SEPTIN5: variants seen among roughly 807,000 people sequenced by gnomAD.
SEPTIN5 encodes the protein septin-5.
In SEPTIN5, 16 loss-of-function variants were observed where a neutral mutation model predicts 51.2. The observed-to-expected ratio is 0.31, with a 90% CI of 0.21 to 0.47. The LOEUF (loss-of-function observed/expected upper bound fraction) is 0.47. SEPTIN5 is among the 20% of genes least tolerant of loss of function. The pLI is 0.99. For missense variants in SEPTIN5, 376 were observed against 500.3 expected, an observed-to-expected ratio of 0.75 and a Z score of 2.37; for synonymous variants, 208 against 191.2, an observed-to-expected ratio of 1.09 and a Z score of -0.72.
rs1485967490 is a variant in SEPTIN5 at position 19,722,846 on chromosome 22, G to A, written c.*362G>A. 8.6e-6 allele frequency: 4 copies of A among 463,076 alleles called. No individual in the cohort carries two copies. The highest frequency in any genetic ancestry group is 6.9e-5 in the Admixed American group (2 of 28,970). The allele number at this position is 463,076 out of a possible 1,614,324, so 28.7% of individuals were successfully genotyped here. A position where few individuals can be genotyped will look rare whatever the true frequency, so the allele number is the denominator to read the frequency against. ...TCCCAGGATCCTGGGTCTGTTCCCT[G>A]CCCCAGTGCTGCAGAACGGACTTGG... On this transcript the variant is annotated 3_prime_UTR_variant, in exon 12 of 12. Coordinates refer to ENST00000455784, the MANE Select transcript of SEPTIN5 (RefSeq NM_002688.6).
At chr22:19,718,684 G>C (rs1935957567) in intron 2 of SEPTIN5, 2 of 1,274,198 alleles carry the variant, frequency 1.6e-6, no homozygotes, top group Non-Finnish European at 2.0e-6. Context: ...GGCTCTGGCG[G>C]CCTGACCGGG....
intron 2 of SEPTIN5, among the ~76,000 whole-genome samples, chr22:19,716,008 C>T (rs149797098): frequency 5.3e-4 from 81 of 152,348 alleles, no homozygotes; most frequent in African/African-American, 1.9e-3. Context: ...GTGTCCCCAG[C>T]TTGACCCAAG....
Position 19,714,912 on chromosome 22 carries a change from C to CGATCACCGATTGTCA in SEPTIN5, c.54+123_54+137dup, listed in dbSNP as rs898915984. ...CGCCGGCCCTCACCCAGCCCTGTCG[C>CGATCACCGATTGTCA]GATCACCGATTGTCAGCCGGGCAGT... On this transcript the variant is annotated intron_variant, in intron 2 of 11. Transcript: ENST00000455784. The surrounding 1 kb of genome is among the most constrained non-coding windows in gnomAD (Gnocchi z 5.2). The CGATCACCGATTGTCA allele has an allele frequency of 4.7e-6, 6 of 1,285,274 alleles. No individual in the cohort carries two copies. In the African/African-American group the frequency reaches 9.2e-5, roughly 20 times the overall value. The allele number at this position is 1,285,274 out of a possible 1,614,324, so 79.6% of individuals were successfully genotyped here. A position where few individuals can be genotyped will look rare whatever the true frequency, so the allele number is the denominator to read the frequency against.
At chr22:19,719,332 T>A (rs1935976609) in intron 2 of SEPTIN5, 1 of 417,330 alleles carries the variant, frequency 2.4e-6, no homozygotes, top group African/African-American at 2.0e-5. Context: ...TGCTGCGGCC[T>A]GACATCTCCC....
intron 2 of SEPTIN5, chr22:19,719,362 C>T (rs1373847821): frequency 1.3e-5 from 7 of 518,806 alleles, no homozygotes; most frequent in Non-Finnish European, 2.4e-5. Context: ...AATACAGTGT[C>T]GGTCCCTGCA....
intron 6 of SEPTIN5, 28 bp from the exon 7 acceptor site, chr22:19,720,521 T>C (rs1229006036): frequency 9.3e-6 from 15 of 1,613,332 alleles, no homozygotes; most frequent in Non-Finnish European, 1.3e-5. Context: ...TGGCTGTGCC[T>C]ATGCCCACCC....
chr22:19,714,658 C>CGCGCGCGCCT lies in SEPTIN5; in HGVS notation c.43+28_43+37dup. The CGCGCGCGCCT allele has an allele frequency of 6.6e-7, 1 of 1,513,322 alleles. No individual in the cohort carries two copies. The highest frequency in any genetic ancestry group is 8.8e-7 in the Non-Finnish European group (1 of 1,136,016). 93.7% of individuals were successfully genotyped at this position (1,513,322 alleles called of 1,614,324 possible). On this transcript the variant is annotated intron_variant, in intron 1 of 11. Coordinates refer to ENST00000455784, the MANE Select transcript of SEPTIN5 (RefSeq NM_002688.6). This position sits in a 1 kb window ranked among gnomAD's most constrained non-coding sequence, Gnocchi z 5.2. ...TGAGCCCAGCGCCTGCCCGCGTGCC[C>CGCGCGCGCCT]GCGCGCGCCTTTGTCCCCGCCGCCC...
intron 2 of SEPTIN5, among the ~76,000 whole-genome samples, chr22:19,715,027 G>A (rs1935894403): frequency 2.6e-5 from 4 of 152,238 alleles, no homozygotes; most frequent in Admixed American, 2.0e-4. Context: ...CCCCAGGATG[G>A]GGGGATGGGC....
In SEPTIN5 at chr22:19,714,588, C is replaced by G; in HGVS notation, c.-1C>G. On this transcript the variant is annotated 5_prime_UTR_variant, in exon 1 of 12. Coordinates refer to ENST00000455784, the MANE Select transcript of SEPTIN5 (RefSeq NM_002688.6). This position sits in a 1 kb window ranked among gnomAD's most constrained non-coding sequence, Gnocchi z 5.2. ...CCGCACGTCCCCCGCCGGCGGCCACCATGAGCACAGGCCTGCGGTACAAGA... is the reference window on the plus strand; with the variant it reads ...CCGCACGTCCCCCGCCGGCGGCCACGATGAGCACAGGCCTGCGGTACAAGA... 6.9e-7 allele frequency: 1 copy of G among 1,453,194 alleles called. No homozygotes were observed. Among genetic ancestry groups the G allele is most frequent in the Non-Finnish European group, 9.0e-7 (1 of 1,107,030 alleles). 90.0% of individuals were successfully genotyped at this position (1,453,194 alleles called of 1,614,324 possible). A position where few individuals can be genotyped will look rare whatever the true frequency, so the allele number is the denominator to read the frequency against.
At chr22:19,716,458 C>T (rs978695692) in intron 2 of SEPTIN5, among the ~76,000 whole-genome samples, 2 of 152,226 alleles carry the variant, frequency 1.3e-5, no homozygotes, top group African/African-American at 4.8e-5. Context: ...AGAGCTGACT[C>T]GGGTGATTCT....
In SEPTIN5 at chr22:19,721,932, G is replaced by A; in HGVS notation, c.925G>A (p.Ala309Thr). The A allele has an allele frequency of 6.2e-7, 1 of 1,610,856 alleles. No homozygotes were observed. The change falls in exon 10 of 12, where the codon GCG (alanine) becomes ACG (threonine). Residue 309 changes from alanine (A) to threonine (T), a missense_variant. Ala to Thr is a moderately conservative substitution (Grantham distance 58, BLOSUM62 0). Transcript: ENST00000455784. Reference protein sequence around the residue: ...TCDVHYENYRAHCIQQMTSKL... With the variant: ...TCDVHYENYRTHCIQQMTSKL... ...CGACGTGCACTACGAGAACTACCGC[G>A]CGCACTGCATCCAGCAGATGACCAG... is the stretch of plus-strand genomic sequence containing the variant.
chr22:19,717,061 G>A (rs1263732910), intron 2 of SEPTIN5, among the ~76,000 whole-genome samples: 1 of 152,144 alleles, frequency 6.6e-6, no homozygotes, highest in Non-Finnish European at 1.5e-5. Flanking sequence ...CCTGTTCCCA[G>A]CTGTGGGCCT....
chr22:19,723,201 C>A lies in SEPTIN5; in HGVS notation c.*717C>A, dbSNP rs766761180. 8.3e-6 allele frequency: 5 copies of A among 602,698 alleles called. No individual in the cohort carries two copies. The highest frequency in any genetic ancestry group is 7.6e-5 in the South Asian group (5 of 65,882). The allele number at this position is 602,698 out of a possible 1,614,324, so 37.3% of individuals were successfully genotyped here. A position where few individuals can be genotyped will look rare whatever the true frequency, so the allele number is the denominator to read the frequency against. ...CGCTGTGGTGTGCCGGGATCCTGAG[C>A]CTAGGCCTCCCGATGTTCCCACCCG... is the stretch of plus-strand genomic sequence containing the variant. On this transcript the variant is annotated 3_prime_UTR_variant, in exon 12 of 12. Transcript: ENST00000455784.
intron 4 of SEPTIN5, 111 bp downstream of exon 4, chr22:19,720,003 G>A (rs1935993421): frequency 6.2e-7 from 1 of 1,600,796 alleles, no homozygotes; most frequent in Non-Finnish European, 8.5e-7. Flanking sequence ...CGCGGTGTGG[G>A]TCCCCTGGGG....
In SEPTIN5 at chr22:19,723,266, G is replaced by C; in HGVS notation, c.*782G>C. The C allele has an allele frequency of 1.5e-6, 1 of 684,692 alleles. No individual in the cohort carries two copies. Among genetic ancestry groups the C allele is most frequent in the Non-Finnish European group, 2.7e-6 (1 of 373,548 alleles). 42.4% of individuals were successfully genotyped at this position (684,692 alleles called of 1,614,324 possible). A position where few individuals can be genotyped will look rare whatever the true frequency, so the allele number is the denominator to read the frequency against. On this transcript the variant is annotated 3_prime_UTR_variant, in exon 12 of 12. Transcript: ENST00000455784. The stretch of plus-strand genomic sequence containing the variant: ...GCCACACGATGCTCCGTTTTCTTCC[G>C]TTGTGAATGCCGCGTCCTGTCCTGG...
At chr22:19,715,460 A>C (rs1935899072) in intron 2 of SEPTIN5, among the ~76,000 whole-genome samples, 2 of 152,214 alleles carry the variant, frequency 1.3e-5, no homozygotes, top group South Asian at 4.1e-4. Flanking sequence ...CACCTGGGTG[A>C]AACCCAGCCG....
At chr22:19,717,277 C>G (rs978837983) in intron 2 of SEPTIN5, 1 of 470,300 alleles carries the variant, frequency 2.1e-6, no homozygotes, top group African/African-American at 2.0e-5. Flanking sequence ...TTCCAGGCCC[C>G]ATGTCCTGCT....
chr22:19,719,758 G>C, intron 3 of SEPTIN5, 48 bp from the exon 4 acceptor site: 1 of 1,612,130 alleles, frequency 6.2e-7, no homozygotes, highest in Non-Finnish European at 8.5e-7. Context: ...AAGCTCTGTC[G>C]TTGGAGCCCC....
intron 2 of SEPTIN5, among the ~76,000 whole-genome samples, chr22:19,715,530 T>C (rs1436694022): frequency 7.7e-6 from 1 of 129,976 alleles, no homozygotes; most frequent in Non-Finnish European, 1.7e-5. Flanking sequence ...GACAACCAGG[T>C]GGGCTGGGGG....
Sources: allele counts gnomAD v4.1 joint callset (sites outside exome capture counted in the v4.1 genomes callset), GRCh38; gene constraint gnomAD v4.1.1; non-coding constraint Gnocchi (gnomAD v3.1); transcripts MANE v1.5; gene names NCBI Gene and HGNC (gene_info 2026-07-23, HGNC 2026-07-21).